RARS2: variants seen among roughly 807,000 people sequenced by gnomAD.
RARS2 encodes the protein probable arginine--tRNA ligase, mitochondrial.
Under a neutral mutation model 88.5 loss-of-function variants are expected in RARS2, and 67 were observed. The observed-to-expected ratio is 0.76, with a 90% CI of 0.62 to 0.93. The LOEUF (loss-of-function observed/expected upper bound fraction) is 0.93. Among genes scored for constraint, RARS2 ranks in the 40% least tolerant of loss-of-function variants. The pLI is 0.00. For synonymous variants in RARS2, 239 were observed against 230.3 expected, an observed-to-expected ratio of 1.04 and a Z score of -0.34; for missense variants, 664 against 684.2, an observed-to-expected ratio of 0.97 and a Z score of 0.33.
At chr6:87,534,182 A>C (rs1026136636) in intron 8 of RARS2, among the ~76,000 whole-genome samples, 1 of 152,244 alleles carries the variant, frequency 6.6e-6, no homozygotes, top group Non-Finnish European at 1.5e-5. Context: ...ATGTGTTTAT[A>C]TAATTAAAAT....
At chr6:87,553,299 T>C (rs999367442) in intron 5 of RARS2, among the ~76,000 whole-genome samples, 1 of 152,170 alleles carries the variant, frequency 6.6e-6, no homozygotes, top group Non-Finnish European at 1.5e-5. Flanking sequence ...CGCAGTTACA[T>C]AAGTGACCTC....
At chr6:87,565,051 T>C (rs1767456699) in intron 2 of RARS2, among the ~76,000 whole-genome samples, 1 of 152,162 alleles carries the variant, frequency 6.6e-6, no homozygotes, top group African/African-American at 2.4e-5. Context: ...GAGCAAGACC[T>C]AGTCTCAAAA....
chr6:87,521,300 C>T (rs1212308398), intron 12 of RARS2, among the ~76,000 whole-genome samples, 164 bp downstream of exon 12: 1 of 152,126 alleles, frequency 6.6e-6, no homozygotes, highest in African/African-American at 2.4e-5. Flanking sequence ...TAAACTTTTT[C>T]ATTTTTAAGT....
intron 5 of RARS2, among the ~76,000 whole-genome samples, chr6:87,554,250 G>C (rs1362499665): frequency 6.6e-6 from 1 of 152,084 alleles, no homozygotes; most frequent in East Asian, 1.9e-4. Flanking sequence ...TCTGTCGGCT[G>C]TACAATGAAA....
intron 5 of RARS2, 136 bp from the exon 6 acceptor site, chr6:87,548,782 A>G (rs986310155): frequency 3.9e-6 from 3 of 763,400 alleles, no homozygotes; most frequent in Non-Finnish European, 4.2e-6. Flanking sequence ...TTAAAAGTTA[A>G]AAATTTAGAG....
intron 17 of RARS2, 143 bp downstream of exon 17, chr6:87,518,026 A>C (rs1487839979): frequency 4.0e-6 from 6 of 1,497,600 alleles, no homozygotes; most frequent in Non-Finnish European, 5.5e-6. Flanking sequence ...AAATGCAAAT[A>C]ATCACTTTTT....
rs1483361370 is a variant in RARS2 at position 87,520,164 on chromosome 6, A to G, written c.1112+16T>C. 2 of 1,603,772 alleles carry G rather than the reference A, an allele frequency of 1.2e-6. No homozygotes were observed. The highest frequency in any genetic ancestry group is 2.2e-5 in the East Asian group (1 of 44,824). On this transcript the variant is annotated intron_variant, in intron 13 of 19. Coordinates refer to ENST00000369536, the MANE Select transcript of RARS2 (RefSeq NM_020320.5). ...GCTGACCCTGCACAGACAATTAAGA[A>G]CCATGCAGACATTACCTTTCTGCCC...
At chr6:87,548,455 A>G in intron 6 of RARS2, 136 bp downstream of exon 6, 1 of 798,572 alleles carries the variant, frequency 1.3e-6, no homozygotes, top group Non-Finnish European at 2.0e-6. Flanking sequence ...CATTTCCTGA[A>G]TTGGCAGGAG....
chr6:87,578,659 A>G (rs2128214154), intron 1 of RARS2, among the ~76,000 whole-genome samples: 1 of 152,260 alleles, frequency 6.6e-6, no homozygotes, highest in East Asian at 1.9e-4. Context: ...CTAAAATAAC[A>G]TAATAATGAC....
chr6:87,561,775 C>A (rs1379965801), intron 4 of RARS2, among the ~76,000 whole-genome samples: 1 of 152,170 alleles, frequency 6.6e-6, no homozygotes, highest in Non-Finnish European at 1.5e-5. Flanking sequence ...AGATTCAGAT[C>A]CTCAAGGCTG....
chr6:87,556,233 T>G (rs1272699725), intron 4 of RARS2, among the ~76,000 whole-genome samples: 7 of 152,218 alleles, frequency 4.6e-5, no homozygotes, highest in Non-Finnish European at 1.0e-4. Context: ...AAATTCATAT[T>G]TTATGTTAAT....
intron 18 of RARS2, 137 bp downstream of exon 18, chr6:87,516,669 G>A (rs1310820946): frequency 8.0e-7 from 1 of 1,249,074 alleles, no homozygotes; most frequent in South Asian, 1.3e-5. Flanking sequence ...CTGCTAATTT[G>A]TATAGATGAA....
At chr6:87,539,296 T>C (rs1367804322) in intron 8 of RARS2, among the ~76,000 whole-genome samples, 1 of 152,200 alleles carries the variant, frequency 6.6e-6, no homozygotes, top group Non-Finnish European at 1.5e-5. Flanking sequence ...TCAAAGACAC[T>C]TTCCTCCCCG....
At chr6:87,520,545 G>C (rs1434708001) in intron 12 of RARS2, among the ~76,000 whole-genome samples, 1 of 151,992 alleles carries the variant, frequency 6.6e-6, no homozygotes, top group Non-Finnish European at 1.5e-5. Flanking sequence ...TATGACCCTG[G>C]TCTCTGAGAC....
intron 1 of RARS2, among the ~76,000 whole-genome samples, chr6:87,580,673 G>A (rs1773217728): frequency 6.6e-6 from 1 of 151,784 alleles, no homozygotes; most frequent in East Asian, 1.9e-4. Context: ...ATTGCCCAGG[G>A]TGGTCTTGAA....
chr6:87,587,335 G>A (rs973545372), intron 1 of RARS2, among the ~76,000 whole-genome samples: 5 of 152,114 alleles, frequency 3.3e-5, no homozygotes, highest in African/African-American at 1.2e-4. Flanking sequence ...TGCTCAAACT[G>A]TACGGAACAT....
intron 5 of RARS2, among the ~76,000 whole-genome samples, chr6:87,550,413 T>C (rs993329111): frequency 6.6e-6 from 1 of 152,100 alleles, no homozygotes; most frequent in African/African-American, 2.4e-5. Context: ...GAAATGTTTA[T>C]ATTAGAAAAA....
At chr6:87,523,731 T>A (rs1393827587) in intron 11 of RARS2, among the ~76,000 whole-genome samples, 1 of 152,216 alleles carries the variant, frequency 6.6e-6, no homozygotes, top group Non-Finnish European at 1.5e-5. Context: ...CCCGGATAGT[T>A]ACAGAGCCTC....
Position 87,545,617 on chromosome 6 carries a change from A to G in RARS2, c.534T>C (p.Phe178=). The stretch of plus-strand genomic sequence containing the variant: ...AAATAAAATCTCAAGTGTACTTACC[A>G]AACTGCATGCCCCAATCGCCAAGGT... ...INYLGDWGMQ[F]GLLGTGFQLF... is the part of the protein sequence containing the mutation. Residue 178 remains phenylalanine, a splice_region_variant and synonymous_variant, in exon 7 of 20, where the codon TTT becomes TTC. Coordinates refer to ENST00000369536, the MANE Select transcript of RARS2 (RefSeq NM_020320.5). The G allele has an allele frequency of 6.2e-7, 1 of 1,613,784 alleles. No individual in the cohort carries two copies. Among genetic ancestry groups the G allele is most frequent in the Non-Finnish European group, 8.5e-7 (1 of 1,179,870 alleles).
Sources: allele counts gnomAD v4.1 joint callset (sites outside exome capture counted in the v4.1 genomes callset), GRCh38; gene constraint gnomAD v4.1.1; transcripts MANE v1.5; gene names NCBI Gene and HGNC (gene_info 2026-07-23, HGNC 2026-07-21).